The following GALNT10 variants were observed in gnomAD, a reference collection of about 807,000 sequenced individuals.
The protein encoded by GALNT10 is polypeptide N-acetylgalactosaminyltransferase 10, also known as GalNAc transferase 10.
GALNT10 carries 41 observed loss-of-function variants against 75.0 expected under a neutral mutation model. That is an observed-to-expected ratio of 0.55 (90% CI 0.43 to 0.71). The LOEUF (loss-of-function observed/expected upper bound fraction) is 0.71, where lower values mean the gene tolerates loss of function less well. Ranked by LOEUF, GALNT10 falls within the 30% of genes least tolerant of loss-of-function variation. The probability of loss-of-function intolerance (pLI) is 0.00; values close to 1 mark genes in which losing one functional copy is unlikely to be tolerated. For synonymous variants in GALNT10, 302 were observed against 313.0 expected, an observed-to-expected ratio of 0.96 and a Z score of 0.37; for missense variants, 727 against 818.5, an observed-to-expected ratio of 0.89 and a Z score of 1.36.
intron 1 of GALNT10, among the ~76,000 whole-genome samples, chr5:154,244,254 C>A (rs1222607082): frequency 7.9e-5 from 12 of 152,136 alleles, no homozygotes; most frequent in Admixed American, 7.9e-4. Context: ...GCCACAGCCA[C>A]ATTTGTATAA....
At chr5:154,372,538 A>G (rs1425026168) in intron 4 of GALNT10, among the ~76,000 whole-genome samples, 1 of 152,240 alleles carries the variant, frequency 6.6e-6, no homozygotes, top group Non-Finnish European at 1.5e-5. Context: ...TCAGCAAGAA[A>G]GTACATAAGT....
intron 10 of GALNT10, 138 bp from the exon 11 acceptor site, chr5:154,415,645 A>T: frequency 1.2e-6 from 1 of 847,524 alleles, no homozygotes; most frequent in Non-Finnish European, 1.8e-6. Context: ...AGTAACTTTT[A>T]AAGCTAGGTG....
chr5:154,352,280 A>T lies in GALNT10; in HGVS notation c.568+22542A>T, dbSNP rs185884822. Reference sequence around the variant, plus strand: ...CTCCAGCTACTCTTCCACACCCCAAACTCAACACGGCCCACTGGTGGGAAT... The same window carrying T: ...CTCCAGCTACTCTTCCACACCCCAATCTCAACACGGCCCACTGGTGGGAAT... On this transcript the variant is annotated intron_variant, in intron 4 of 11. Transcript: ENST00000297107. The surrounding 1 kb of genome is among the most constrained non-coding windows in gnomAD (Gnocchi z 4.4). Among the ~76,000 whole-genome samples the T allele has an allele frequency of 2.4e-3, 359 of 151,946 alleles. 2 individuals are homozygous for T. The highest frequency in any genetic ancestry group is 8.1e-3 in the African/African-American group (337 of 41,434).
chr5:154,369,070 G>A (rs1274699693), intron 4 of GALNT10, among the ~76,000 whole-genome samples: 1 of 152,236 alleles, frequency 6.6e-6, no homozygotes, highest in East Asian at 1.9e-4. Context: ...TCACAAGAGA[G>A]TGGTCACTAA....
chr5:154,229,207 C>T (rs2113661213), intron 1 of GALNT10, among the ~76,000 whole-genome samples: 1 of 152,300 alleles, frequency 6.6e-6, no homozygotes, highest in East Asian at 1.9e-4. Context: ...GGTATTATCA[C>T]CACCTAATGA....
At chr5:154,216,652 T>C (rs1752879443) in intron 1 of GALNT10, among the ~76,000 whole-genome samples, 1 of 152,224 alleles carries the variant, frequency 6.6e-6, no homozygotes, top group South Asian at 2.1e-4. Context: ...TCTTACCAAT[T>C]GAAAGACTTC....
chr5:154,385,152 G>T (rs891826901), intron 6 of GALNT10, among the ~76,000 whole-genome samples: 1 of 151,978 alleles, frequency 6.6e-6, no homozygotes, highest in Admixed American at 6.6e-5. Flanking sequence ...GTTGCTGCTG[G>T]AATGTTTGGA....
At chr5:154,415,747 C>T (rs889518988) in intron 10 of GALNT10, 36 bp from the exon 11 acceptor site, 14 of 1,572,394 alleles carry the variant, frequency 8.9e-6, no homozygotes, top group Non-Finnish European at 1.1e-5. Context: ...AAGTCCTTGG[C>T]TTTGCTATCC....
In GALNT10 at chr5:154,190,994, C is replaced by A; in HGVS notation, c.128C>A (p.Ser43Ter). ...CAGCCCGACGGCACCCCTGGGGGAT[C>A]GGGGGCGGCGGTGGCGCCGGCGGCG... ...ERQPDGTPGG[S>*]GAAVAPAAGQ... The change falls in exon 1 of 12, where the codon TCG becomes TAG. Residue 43 changes from serine to a stop codon, truncating the protein, a stop_gained. Coordinates refer to ENST00000297107, the MANE Select transcript of GALNT10 (RefSeq NM_198321.4). LOFTEE classifies it high-confidence loss of function. The A allele has an allele frequency of 6.7e-7, 1 of 1,487,806 alleles. No individual in the cohort carries two copies. The highest frequency in any genetic ancestry group is 1.4e-5 in the African/African-American group (1 of 70,050). The allele number at this position is 1,487,806 out of a possible 1,614,324, so 92.2% of individuals were successfully genotyped here. A position where few individuals can be genotyped will look rare whatever the true frequency, so the allele number is the denominator to read the frequency against.
At chr5:154,279,264 T>A (rs539776244) in intron 1 of GALNT10, among the ~76,000 whole-genome samples, 2 of 150,594 alleles carry the variant, frequency 1.3e-5, no homozygotes, top group South Asian at 4.3e-4. Context: ...AAATGATATT[T>A]AATGCTAGTT....
At chr5:154,218,198 C>T in intron 1 of GALNT10, 2 of 868,854 alleles carry the variant, frequency 2.3e-6, no homozygotes, top group Non-Finnish European at 2.8e-6. Flanking sequence ...TCCCTCCCCA[C>T]CTCATGGGTC....
At chr5:154,408,442 C>T (rs770916979) in intron 8 of GALNT10, among the ~76,000 whole-genome samples, 6 of 152,258 alleles carry the variant, frequency 3.9e-5, no homozygotes, top group East Asian at 1.9e-4. Flanking sequence ...TGTTTTGGAG[C>T]GGAGAATTTC....
At chr5:154,289,531 C>T (rs1346813378) in intron 1 of GALNT10, among the ~76,000 whole-genome samples, 1 of 152,174 alleles carries the variant, frequency 6.6e-6, no homozygotes, top group East Asian at 1.9e-4. Context: ...GAGAGAACTG[C>T]AAGCTCTGGT....
chr5:154,371,336 C>G (rs1481243114), intron 4 of GALNT10, among the ~76,000 whole-genome samples: 2 of 152,094 alleles, frequency 1.3e-5, no homozygotes, highest in Admixed American at 1.3e-4. Flanking sequence ...CCAAATAAAG[C>G]CACATTCACA....
intron 5 of GALNT10, 61 bp from the exon 6 acceptor site, chr5:154,380,387 T>C (rs1396393065): frequency 1.1e-5 from 14 of 1,292,620 alleles, no homozygotes; most frequent in Admixed American, 6.9e-5. Context: ...CAGAACAGGA[T>C]GGTGCACTTA....
intron 4 of GALNT10, among the ~76,000 whole-genome samples, chr5:154,343,013 A>C (rs781761756): frequency 9.9e-5 from 15 of 152,200 alleles, no homozygotes; most frequent in Non-Finnish European, 2.1e-4. Flanking sequence ...ACAAGATCTC[A>C]GAGCTGAGGA....
At chr5:154,208,482 C>G (rs1328090124) in intron 1 of GALNT10, among the ~76,000 whole-genome samples, 1 of 145,266 alleles carries the variant, frequency 6.9e-6, no homozygotes, top group Non-Finnish European at 1.6e-5. Context: ...CTTTTATTTT[C>G]TCTCTCTCAT....
intron 4 of GALNT10, among the ~76,000 whole-genome samples, chr5:154,345,258 A>G (rs1755103851): frequency 6.6e-6 from 1 of 152,230 alleles, no homozygotes; most frequent in Non-Finnish European, 1.5e-5. Context: ...ACCACAATCA[A>G]GCTAATTAAT....
At chr5:154,370,109 T>G (rs1755543379) in intron 4 of GALNT10, among the ~76,000 whole-genome samples, 1 of 152,250 alleles carries the variant, frequency 6.6e-6, no homozygotes, top group South Asian at 2.1e-4. Flanking sequence ...AGCACATAAC[T>G]TGTTAGCTGT....
Sources: gnomAD v4.1 joint callset for allele counts (sites outside exome capture counted in the v4.1 genomes callset) on GRCh38, gnomAD v4.1.1 for gene constraint, Gnocchi (gnomAD v3.1) non-coding constraint, MANE v1.5 for transcripts, NCBI Gene and HGNC (gene_info 2026-07-23, HGNC 2026-07-21) for gene names.